The following CREB5 variants were observed in gnomAD, a reference collection of about 807,000 sequenced individuals.
CREB5 encodes the protein cyclic AMP-responsive element-binding protein 5.
In CREB5, 19 loss-of-function variants were observed where a neutral mutation model predicts 57.1. The observed-to-expected ratio is 0.33, with a 90% CI of 0.23 to 0.49. The LOEUF (loss-of-function observed/expected upper bound fraction) is 0.49. Ranked by LOEUF, CREB5 falls within the 20% of genes least tolerant of loss-of-function variation. The pLI is 0.99. For synonymous variants in CREB5, 238 were observed against 238.3 expected (o/e 1.00, Z 0.01); for missense variants, 579 against 671.6 (o/e 0.86, Z 1.52).
intron 6 of CREB5, among the ~76,000 whole-genome samples, chr7:28,722,469 C>T (rs1445277019): frequency 6.6e-6 from 1 of 152,162 alleles, no homozygotes; most frequent in East Asian, 1.9e-4. Flanking sequence ...AGCAATGAAA[C>T]TCTTGAATTC....
At chr7:28,368,011 G>C (rs1271443065) in intron 1 of CREB5, among the ~76,000 whole-genome samples, 2 of 152,102 alleles carry the variant, frequency 1.3e-5, no homozygotes, top group African/African-American at 2.4e-5. Flanking sequence ...AATGATCTAT[G>C]CTCCATAAAG....
intron 1 of CREB5, among the ~76,000 whole-genome samples, chr7:28,301,211 T>C (rs1162218227): frequency 1.3e-5 from 2 of 152,224 alleles, no homozygotes; most frequent in African/African-American, 4.8e-5. Flanking sequence ...TTATTTCAGC[T>C]GTCCTTGGAT....
intron 5 of CREB5, among the ~76,000 whole-genome samples, chr7:28,651,401 GC>G (rs1355201798): frequency 3.9e-5 from 6 of 152,050 alleles, no homozygotes; most frequent in Non-Finnish European, 8.8e-5. Flanking sequence ...TAATGTCATA[GC>G]AGCATATAGA....
At chr7:28,406,494 A>G (rs969998118) in intron 1 of CREB5, among the ~76,000 whole-genome samples, 1 of 152,124 alleles carries the variant, frequency 6.6e-6, no homozygotes, top group Non-Finnish European at 1.5e-5. Flanking sequence ...GAGCATCGGG[A>G]GAATCTTGGG....
At chr7:28,712,517 A>G (rs1458971024) in intron 5 of CREB5, among the ~76,000 whole-genome samples, 11 of 56,498 alleles carry the variant, frequency 1.9e-4, no homozygotes, top group East Asian at 2.4e-4. Context: ...AAAAAAAAAA[A>G]AGAGAATTTA....
chr7:28,745,053 G>A (rs1020524161), intron 7 of CREB5, among the ~76,000 whole-genome samples: 5 of 152,230 alleles, frequency 3.3e-5, no homozygotes, highest in South Asian at 2.1e-4. Context: ...CATGCTGACC[G>A]TGTACTGTGC....
chr7:28,717,726 A>G lies in CREB5; in HGVS notation c.465-1027A>G, dbSNP rs78519528. 8.8e-3 allele frequency among the ~76,000 whole-genome samples: 1,346 copies of G among 152,332 alleles called. 19 individuals carry two copies. The highest frequency in any genetic ancestry group is 0.03 in the African/African-American group (1,257 of 41,580). On this transcript the variant is annotated intron_variant, in intron 5 of 10. Transcript: ENST00000357727. ...AATTCTGGAAGCACTAGTTTCTAGC[A>G]TAACATTCAGGAGAAGGTTGTTTAA...
intron 5 of CREB5, among the ~76,000 whole-genome samples, chr7:28,586,563 G>C (rs1186882900): frequency 2.0e-5 from 3 of 152,134 alleles, no homozygotes; most frequent in Non-Finnish European, 4.4e-5. Flanking sequence ...CATCCATAAA[G>C]AGTAGAGAAT....
chr7:28,370,112 A>C (rs903628123), intron 1 of CREB5, among the ~76,000 whole-genome samples: 2 of 152,224 alleles, frequency 1.3e-5, no homozygotes, highest in Non-Finnish European at 1.5e-5. Context: ...ACAGCCACCT[A>C]TTATTAAAAG....
intron 4 of CREB5, among the ~76,000 whole-genome samples, chr7:28,568,659 A>G (rs1795575235): frequency 6.6e-6 from 1 of 152,164 alleles, no homozygotes; most frequent in Non-Finnish European, 1.5e-5. Context: ...GACTGTGAGT[A>G]TATATAAGCC....
intron 1 of CREB5, among the ~76,000 whole-genome samples, chr7:28,378,923 G>A (rs192087452): frequency 6.6e-6 from 1 of 152,298 alleles, no homozygotes; most frequent in Admixed American, 6.5e-5. Flanking sequence ...TGACCCGTAA[G>A]CCTGTCAAAG....
intron 1 of CREB5, among the ~76,000 whole-genome samples, chr7:28,309,395 G>A (rs1355059714): frequency 6.6e-6 from 1 of 152,130 alleles, no homozygotes; most frequent in South Asian, 2.1e-4. Context: ...CTTTTCTCTT[G>A]ATGCCATAAC....
chr7:28,302,406 A>G (rs1347354150), intron 1 of CREB5, among the ~76,000 whole-genome samples: 2 of 152,238 alleles, frequency 1.3e-5, no homozygotes, highest in African/African-American at 2.4e-5. Flanking sequence ...GAAATTGACA[A>G]TGGACTTTAA....
rs886839720 is a variant in CREB5, at chr7:28,306,717, T to C, written c.-25+7276T>C. ...CTGGGACTACAGGCGCCCGCCACTA[T>C]GCCCGGCTAATTTTTTGTATTTTTT... On this transcript the variant is annotated intron_variant, in intron 1 of 9. Coordinates refer to the CREB5 transcript ENST00000396299. Among the ~76,000 whole-genome samples the C allele has an allele frequency of 5.5e-4, 84 of 152,170 alleles. 2 individuals are homozygous for C. The highest frequency in any genetic ancestry group is 1.4e-3 in the African/African-American group (60 of 41,546).
At chr7:28,792,517 GCTGTGCA>G (rs1310036629) in intron 7 of CREB5, among the ~76,000 whole-genome samples, 1 of 152,178 alleles carries the variant, frequency 6.6e-6, no homozygotes, top group Non-Finnish European at 1.5e-5. Context: ...GGTTGGAAAT[GCTGTGCA>G]CTGTCATCTT....
chr7:28,365,111 C>T (rs1164546393), intron 1 of CREB5, among the ~76,000 whole-genome samples: 1 of 152,192 alleles, frequency 6.6e-6, no homozygotes, highest in Non-Finnish European at 1.5e-5. Context: ...GACCAAACCA[C>T]GAATTGCATC....
chr7:28,397,047 G>A (rs1422063337), intron 1 of CREB5, among the ~76,000 whole-genome samples: 2 of 152,150 alleles, frequency 1.3e-5, no homozygotes, highest in Non-Finnish European at 2.9e-5. Flanking sequence ...TCATAACAAT[G>A]CCTAGCATTA....
intron 1 of CREB5, among the ~76,000 whole-genome samples, chr7:28,440,490 T>G (rs1303431912): frequency 6.6e-6 from 1 of 152,204 alleles, no homozygotes; most frequent in Non-Finnish European, 1.5e-5. Flanking sequence ...GCATGATATA[T>G]TGCAGCCTTA....
At chr7:28,617,646 G>A (rs1292636946) in intron 5 of CREB5, among the ~76,000 whole-genome samples, 1 of 152,238 alleles carries the variant, frequency 6.6e-6, no homozygotes, top group Non-Finnish European at 1.5e-5. Context: ...CTTATTCACA[G>A]AAGGTGCTGT....
Sources: gnomAD v4.1 joint callset for allele counts (sites outside exome capture counted in the v4.1 genomes callset) on GRCh38, gnomAD v4.1.1 for gene constraint, MANE v1.5 for transcripts, NCBI Gene and HGNC (gene_info 2026-07-23, HGNC 2026-07-21) for gene names.